ITCH: variants seen among roughly 807,000 people sequenced by gnomAD.
ITCH encodes the protein E3 ubiquitin-protein ligase Itchy homolog.
ITCH carries 28 observed loss-of-function variants against 126.8 expected under a neutral mutation model. The observed-to-expected ratio is 0.22, with a 90% CI of 0.16 to 0.30. ITCH has a LOEUF of 0.30. ITCH is among the 10% of genes least tolerant of loss of function. The pLI, the probability that ITCH is intolerant of heterozygous loss-of-function variation, is 1.00. For synonymous variants in ITCH, 342 were observed against 340.0 expected, an observed-to-expected ratio of 1.01 and a Z score of -0.06; for missense variants, 631 against 1,032.4, an observed-to-expected ratio of 0.61 and a Z score of 5.33.
At chr20:34,417,506 TCTC>T (rs1254115830) in intron 6 of ITCH, among the ~76,000 whole-genome samples, 1 of 151,502 alleles carries the variant, frequency 6.6e-6, no homozygotes, top group Non-Finnish European at 1.5e-5. Context: ...TTCAAGCAGT[TCTC>T]CTTCCTCAGC....
chr20:34,376,294 T>C (rs564624471), intron 2 of ITCH, among the ~76,000 whole-genome samples: 1 of 151,914 alleles, frequency 6.6e-6, no homozygotes, highest in East Asian at 1.9e-4. Context: ...CAGCCAGGCA[T>C]GATGGTGGTG....
chr20:34,472,116 C>G (rs1438174604), intron 16 of ITCH, among the ~76,000 whole-genome samples: 1 of 152,072 alleles, frequency 6.6e-6, no homozygotes, highest in Non-Finnish European at 1.5e-5. Flanking sequence ...TGGCTCATGC[C>G]TGTAATCCCA....
chr20:34,489,151 T>C, intron 20 of ITCH, 115 bp from the exon 21 acceptor site: 1 of 843,916 alleles, frequency 1.2e-6, no homozygotes, highest in Non-Finnish European at 1.8e-6. Flanking sequence ...TTCATTATGT[T>C]CTATTTTTGA....
chr20:34,393,914 AT>A, intron 3 of ITCH, 33 bp downstream of exon 3: 2 of 1,575,482 alleles, frequency 1.3e-6, no homozygotes, highest in Non-Finnish European at 1.7e-6. Context: ...GCTTTACTTT[AT>A]TTTTCCCCGT....
Position 34,469,222 on chromosome 20 carries a change from AACACACACACAC to A in ITCH, c.1425-809_1425-798del, listed in dbSNP as rs34998924. ...GAATTTGGAGGAAGGGCAAATTATA[AACACACACACAC>A]ACACACACACACACACTCACACACT... On this transcript the variant is annotated intron_variant, in intron 14 of 24. Coordinates refer to ENST00000374864, the MANE Select transcript of ITCH (RefSeq NM_031483.7). Among the ~76,000 whole-genome samples, 9 of 149,238 alleles carry A rather than the reference AACACACACACAC, an allele frequency of 6.0e-5. No homozygotes were observed. In the East Asian group the frequency reaches 1.6e-3, roughly 26 times the overall value.
Position 34,483,258 on chromosome 20 carries a change from T to C in ITCH, c.2093+2052T>C, listed in dbSNP as rs189830062. The stretch of plus-strand genomic sequence containing the variant: ...CGGGTCCTCATTACTTATGCAAATT[T>C]CTGTAGCCAGCTTGAATTTCTCCTC... On this transcript the variant is annotated intron_variant, in intron 20 of 24. Transcript: ENST00000374864. 2.6e-5 allele frequency among the ~76,000 whole-genome samples: 4 copies of C among 152,342 alleles called. No individual in the cohort carries two copies. The East Asian group carries it at 5.8e-4, about 22-fold the overall frequency.
At chr20:34,409,113 G>C (rs1266425926) in intron 4 of ITCH, among the ~76,000 whole-genome samples, 1 of 141,264 alleles carries the variant, frequency 7.1e-6, no homozygotes, top group African/African-American at 2.7e-5. Context: ...TATTAACTTT[G>C]GGTTGAATTA....
intron 20 of ITCH, among the ~76,000 whole-genome samples, chr20:34,487,235 A>G (rs1187258468): frequency 1.3e-5 from 2 of 149,760 alleles, no homozygotes; most frequent in African/African-American, 4.9e-5. Context: ...GAAAGTCTCA[A>G]TCTCCTGACC....
chr20:34,363,837 C>T (rs2037297872), intron 1 of ITCH, among the ~76,000 whole-genome samples: 1 of 152,152 alleles, frequency 6.6e-6, no homozygotes. Flanking sequence ...CTAGAAGGGC[C>T]CAGCACAGCG....
intron 2 of ITCH, among the ~76,000 whole-genome samples, chr20:34,373,398 C>G (rs1452245529): frequency 6.6e-6 from 1 of 151,946 alleles, no homozygotes; most frequent in Non-Finnish European, 1.5e-5. Flanking sequence ...GCCTCAGCCT[C>G]CTGGGTAGCT....
intron 2 of ITCH, among the ~76,000 whole-genome samples, chr20:34,380,147 C>T (rs1483242555): frequency 1.3e-5 from 2 of 152,280 alleles, no homozygotes; most frequent in Middle Eastern, 3.4e-3. Flanking sequence ...GCTGGGATTA[C>T]AGCCGTGAGC....
At chr20:34,418,401 G>A (rs1980250371) in intron 6 of ITCH, among the ~76,000 whole-genome samples, 1 of 152,070 alleles carries the variant, frequency 6.6e-6, no homozygotes, top group African/African-American at 2.4e-5. Context: ...CTTATTCTAT[G>A]CATTCCATTC....
chr20:34,365,985 C>T (rs914015138), intron 1 of ITCH, among the ~76,000 whole-genome samples: 2 of 152,064 alleles, frequency 1.3e-5, no homozygotes, highest in Non-Finnish European at 2.9e-5. Context: ...GTGGCCAATT[C>T]TGTGTGTGTG....
At chr20:34,499,273 T>C (rs1285547033) in intron 23 of ITCH, among the ~76,000 whole-genome samples, 2 of 57,478 alleles carry the variant, frequency 3.5e-5, no homozygotes, top group Admixed American at 2.5e-4. Flanking sequence ...TGTGCCCAGC[T>C]TTTTTTTTTT....
intron 24 of ITCH, among the ~76,000 whole-genome samples, chr20:34,507,273 T>G (rs1990683208): frequency 1.2e-5 from 1 of 82,902 alleles, no homozygotes; most frequent in South Asian, 5.1e-4. Flanking sequence ...GTTTTTTTTT[T>G]TTTTTTTTTT....
chr20:34,456,658 ATG>A (rs1335376931), intron 12 of ITCH, among the ~76,000 whole-genome samples: 2 of 143,222 alleles, frequency 1.4e-5, no homozygotes, highest in African/African-American at 2.6e-5. Context: ...ATATATATAT[ATG>A]TGTGTGTGTG....
At chr20:34,482,696 C>T (rs1229972520) in intron 20 of ITCH, among the ~76,000 whole-genome samples, 3 of 152,182 alleles carry the variant, frequency 2.0e-5, no homozygotes, top group African/African-American at 7.2e-5. Flanking sequence ...TCTCATGCTG[C>T]AAGCTGTTGG....
chr20:34,377,345 G>T (rs1369422938), intron 2 of ITCH, among the ~76,000 whole-genome samples: 1 of 152,172 alleles, frequency 6.6e-6, no homozygotes, highest in African/African-American at 2.4e-5. Flanking sequence ...CTGCACTCCA[G>T]CCTGGGCGAC....
Position 34,455,378 on chromosome 20 carries a change from G to C in ITCH, c.1211-2012G>C, listed in dbSNP as rs1192617267. ...ATCCCATCTTTTGAAGAATTCATTG[G>C]TAATGGGACAGAGAAGTCAGTAATT... On this transcript the variant is annotated intron_variant, in intron 12 of 24. Coordinates refer to ENST00000374864, the MANE Select transcript of ITCH (RefSeq NM_031483.7). 2.6e-5 allele frequency among the ~76,000 whole-genome samples: 4 copies of C among 152,202 alleles called. No homozygotes were observed. The South Asian group carries it at 6.2e-4, about 24-fold the overall frequency.
Sources: allele counts gnomAD v4.1 joint callset (sites outside exome capture counted in the v4.1 genomes callset), GRCh38; gene constraint gnomAD v4.1.1; transcripts MANE v1.5; gene names NCBI Gene and HGNC (gene_info 2026-07-23, HGNC 2026-07-21).